MAPK10: variants seen among roughly 807,000 people sequenced by gnomAD.
The protein encoded by MAPK10 is mitogen-activated protein kinase 10.
MAPK10 carries 25 observed loss-of-function variants against 59.3 expected under a neutral mutation model. The observed-to-expected ratio is 0.42, with a 90% CI of 0.31 to 0.59. The LOEUF (loss-of-function observed/expected upper bound fraction) is 0.59. Among genes scored for constraint, MAPK10 ranks in the 20% least tolerant of loss-of-function variants. MAPK10 has a pLI of 0.15. For missense variants in MAPK10, 351 were observed against 568.9 expected (o/e 0.62, Z 3.90); for synonymous variants, 190 against 200.5 (o/e 0.95, Z 0.44).
chr4:86,380,990 T>G (rs559041074), intron 1 of MAPK10, among the ~76,000 whole-genome samples: 2 of 152,254 alleles, frequency 1.3e-5, no homozygotes, highest in African/African-American at 4.8e-5. Flanking sequence ...CCTCAGTAGG[T>G]TGAGGTTGCA....
In MAPK10 at chr4:86,488,918, C is replaced by G. The variant is rs933100212; in HGVS notation, c.-263+104992G>C. On this transcript the variant is annotated intron_variant, in intron 1 of 4. Transcript: ENST00000502302. ...TTGAATCTGGGTTTGGCCACAGGAC[C>G]GGCCAAATGTGACATTAGCAAAGAT... is the stretch of plus-strand genomic sequence containing the variant. Among the ~76,000 whole-genome samples the G allele has an allele frequency of 2.0e-5, 3 of 152,174 alleles. 1 individual carries two copies. Among genetic ancestry groups the G allele is most frequent in the African/African-American group, 7.2e-5 (3 of 41,442 alleles).
At chr4:86,178,253 T>C (rs867311474) in intron 3 of MAPK10, among the ~76,000 whole-genome samples, 3 of 152,130 alleles carry the variant, frequency 2.0e-5, no homozygotes, top group African/African-American at 7.2e-5. Flanking sequence ...AGTGGTATTA[T>C]AAAGATAAAA....
intron 1 of MAPK10, among the ~76,000 whole-genome samples, chr4:86,588,951 T>C (rs1762827075): frequency 6.6e-6 from 1 of 152,094 alleles, no homozygotes; most frequent in African/African-American, 2.4e-5. Context: ...GGGTAGATCC[T>C]AGAACATACA....
chr4:86,576,753 G>C lies in MAPK10; in HGVS notation c.-263+17157C>G, dbSNP rs371835399. Reference sequence around the variant, plus strand: ...TCGCGCCACTGTAGTCCAGCCTAGGGGACAGTGCGAGACTCCGTCCCAAAA... The same window carrying C: ...TCGCGCCACTGTAGTCCAGCCTAGGCGACAGTGCGAGACTCCGTCCCAAAA... On this transcript the variant is annotated intron_variant, in intron 1 of 4. Coordinates refer to the MAPK10 transcript ENST00000502302. Among the ~76,000 whole-genome samples the C allele has an allele frequency of 4.2e-3, 620 of 147,438 alleles. 2 individuals carry two copies. The highest frequency in any genetic ancestry group is 0.014 in the African/African-American group (574 of 39,956).
intron 2 of MAPK10, among the ~76,000 whole-genome samples, chr4:86,314,749 T>G (rs766898374): frequency 2.8e-4 from 43 of 152,254 alleles, no homozygotes; most frequent in Non-Finnish European, 4.4e-4. Flanking sequence ...GGAAAATACT[T>G]AGATATACAA....
chr4:86,289,414 T>C (rs2095145990), intron 2 of MAPK10, among the ~76,000 whole-genome samples: 1 of 152,130 alleles, frequency 6.6e-6, no homozygotes, highest in East Asian at 1.9e-4. Context: ...AGATGCTGTA[T>C]GGAAAATGAA....
chr4:86,157,190 T>C (rs1297369983), intron 4 of MAPK10, among the ~76,000 whole-genome samples: 1 of 151,884 alleles, frequency 6.6e-6, no homozygotes, highest in Non-Finnish European at 1.5e-5. Flanking sequence ...AAAAACCCAA[T>C]AACAAGTTTA....
intron 2 of MAPK10, among the ~76,000 whole-genome samples, chr4:86,286,445 G>A (rs981771879): frequency 1.3e-5 from 2 of 152,142 alleles, no homozygotes; most frequent in African/African-American, 4.8e-5. Context: ...CAAATAACAT[G>A]TGTAGCACTT....
In MAPK10 at chr4:86,279,851, G is replaced by GTTTT. The variant is rs551256450; in HGVS notation, c.-7+74678_-7+74679insAAAA. 5.8e-3 allele frequency among the ~76,000 whole-genome samples: 879 copies of GTTTT among 152,232 alleles called. 7 individuals carry two copies. The highest frequency in any genetic ancestry group is 0.02 in the African/African-American group (827 of 41,544). On this transcript the variant is annotated intron_variant, in intron 2 of 13. Coordinates refer to ENST00000641462, the MANE Select transcript of MAPK10 (RefSeq NM_138982.4). ...TCAGGCTGTGAGCTTCTCTGACTAC[G>GTTTT]TTGTTTCCCGCCCATCTTCCAACCC...
intron 1 of MAPK10, among the ~76,000 whole-genome samples, chr4:86,434,949 AT>A (rs1342282523): frequency 3.3e-5 from 5 of 152,260 alleles, no homozygotes; most frequent in African/African-American, 1.2e-4. Context: ...ACAATGGAAT[AT>A]TGCTCAGACA....
At position 86,064,376 on chromosome 4, in the gene MAPK10, C is replaced by A. The variant is rs534048937; in HGVS notation, c.1000G>T (p.Asp334Tyr). 6.2e-7 allele frequency: 1 copy of A among 1,614,060 alleles called. No individual in the cohort carries two copies. Among genetic ancestry groups the A allele is most frequent in the South Asian group, 1.1e-5 (1 of 91,062 alleles). ...ATCACTAGCATCTTTGACAACAAGT[C>A]CCTGGCTTGGCTGGCTGAAACAATA... ...HNKLKASQAR[D>Y]LLSKMLVIDP... The change falls in exon 11 of 14, where the codon GAC becomes TAC. Residue 334 changes from aspartate (D) to tyrosine (Y), a missense_variant. Coordinates refer to ENST00000641462, the MANE Select transcript of MAPK10 (RefSeq NM_138982.4).
At chr4:86,212,860 T>C (rs983192473) in intron 2 of MAPK10, among the ~76,000 whole-genome samples, 2 of 152,012 alleles carry the variant, frequency 1.3e-5, no homozygotes, top group African/African-American at 2.4e-5. Context: ...AATAGAGAAC[T>C]TGAACAGCAC....
chr4:86,407,681 A>C (rs1461704958), intron 1 of MAPK10, among the ~76,000 whole-genome samples: 2 of 152,228 alleles, frequency 1.3e-5, no homozygotes, highest in African/African-American at 4.8e-5. Flanking sequence ...GAATGTAAAA[A>C]GATAAAAATA....
At chr4:86,070,168 G>C (rs748011007) in intron 9 of MAPK10, among the ~76,000 whole-genome samples, 4 of 152,098 alleles carry the variant, frequency 2.6e-5, no homozygotes, top group Non-Finnish European at 5.9e-5. Context: ...CTGCAAATCT[G>C]AGTTACAGTG....
upstream of MAPK10, among the ~76,000 whole-genome samples, chr4:86,360,470 C>G (rs1038963025): frequency 6.6e-6 from 1 of 152,182 alleles, no homozygotes; most frequent in Non-Finnish European, 1.5e-5. Context: ...GTAATAACCT[C>G]AGAGGAGAAG....
At chr4:86,418,284 G>A (rs1205297081) in intron 1 of MAPK10, among the ~76,000 whole-genome samples, 2 of 152,078 alleles carry the variant, frequency 1.3e-5, no homozygotes, top group African/African-American at 4.8e-5. Context: ...CTCTATGTGT[G>A]TGTTTGCTAT....
chr4:86,155,821 C>A (rs984629239), intron 4 of MAPK10, among the ~76,000 whole-genome samples: 3 of 151,994 alleles, frequency 2.0e-5, no homozygotes. Context: ...AAATTGCCAG[C>A]ATCACTACTT....
intron 9 of MAPK10, among the ~76,000 whole-genome samples, chr4:86,088,027 T>G (rs1359213283): frequency 1.3e-5 from 2 of 152,194 alleles, no homozygotes; most frequent in Non-Finnish European, 2.9e-5. Flanking sequence ...GCAGAGGTTT[T>G]ACCTTTAGTA....
intron 2 of MAPK10, among the ~76,000 whole-genome samples, chr4:86,275,873 T>C (rs1383856587): frequency 6.6e-6 from 1 of 152,094 alleles, no homozygotes; most frequent in African/African-American, 2.4e-5. Flanking sequence ...TATATTTGAT[T>C]TGGTATTTAA....
Sources: gnomAD v4.1 joint callset for allele counts (sites outside exome capture counted in the v4.1 genomes callset) on GRCh38, gnomAD v4.1.1 for gene constraint, MANE v1.5 for transcripts, NCBI Gene and HGNC (gene_info 2026-07-23, HGNC 2026-07-21) for gene names.